The following CEP112 variants were observed in gnomAD, a reference collection of about 807,000 sequenced individuals.
CEP112 encodes the protein centrosomal protein of 112 kDa.
CEP112 carries 127 observed loss-of-function variants against 153.0 expected under a neutral mutation model. That is an observed-to-expected ratio of 0.83 (90% confidence interval 0.72 to 0.96). CEP112 has a LOEUF of 0.96. Among genes scored for constraint, CEP112 ranks in the 40% least tolerant of loss-of-function variants. CEP112 has a pLI of 0.00. For synonymous variants in CEP112, 358 were observed against 374.4 expected (o/e 0.96, Z 0.51); for missense variants, 1,089 against 1,101.2 (o/e 0.99, Z 0.16).
At chr17:65,775,615 GTC>G (rs1410656404) in intron 21 of CEP112, among the ~76,000 whole-genome samples, 2 of 151,994 alleles carry the variant, frequency 1.3e-5, no homozygotes, top group African/African-American at 4.8e-5. Flanking sequence ...CTATTCTCCT[GTC>G]TCAGCCTCCC....
chr17:65,800,087 T>G (rs2055174094), intron 21 of CEP112, among the ~76,000 whole-genome samples: 1 of 152,214 alleles, frequency 6.6e-6, no homozygotes, highest in African/African-American at 2.4e-5. Flanking sequence ...TATTACTAAC[T>G]GCCTTTTCTT....
At chr17:65,879,195 C>T (rs190781149) in intron 20 of CEP112, among the ~76,000 whole-genome samples, 41 of 152,236 alleles carry the variant, frequency 2.7e-4, no homozygotes, top group Admixed American at 2.5e-3. Flanking sequence ...CCAAGGTAAT[C>T]GTAATCATGA....
chr17:66,016,695 C>T (rs2064788903), intron 16 of CEP112, among the ~76,000 whole-genome samples: 2 of 152,182 alleles, frequency 1.3e-5, no homozygotes, highest in Non-Finnish European at 2.9e-5. Context: ...CAAATTGGCA[C>T]TGTGCCTCCA....
rs565716887 is a variant in CEP112 at position 65,667,983 on chromosome 17, GCCT to G, written c.2697+21143_2697+21145del. 3.5e-3 allele frequency among the ~76,000 whole-genome samples: 523 copies of G among 151,404 alleles called. 4 individuals are homozygous for G. The highest frequency in any genetic ancestry group is 0.01 in the Middle Eastern group (3 of 292). On this transcript the variant is annotated intron_variant, in intron 24 of 26. Transcript: ENST00000535342. Reference sequence around the variant, plus strand: ...GCAGTCTCCACTCACTGCAACCTCAGCCTCCCAGATTCAAGTGATTCTCCTGGT... The same window carrying G: ...GCAGTCTCCACTCACTGCAACCTCAGCCCAGATTCAAGTGATTCTCCTGGT...
chr17:66,038,501 A>G (rs1471068891), intron 12 of CEP112, among the ~76,000 whole-genome samples: 3 of 152,224 alleles, frequency 2.0e-5, no homozygotes, highest in Non-Finnish European at 2.9e-5. Context: ...TGCCAAATTA[A>G]TTTTTTAAAC....
At chr17:65,938,399 C>T (rs1364172797) in intron 18 of CEP112, among the ~76,000 whole-genome samples, 1 of 129,748 alleles carries the variant, frequency 7.7e-6, no homozygotes, top group African/African-American at 2.9e-5. Flanking sequence ...GGGAGAAACA[C>T]CCAAGAATGA....
At chr17:65,764,708 T>C (rs935030285) in intron 21 of CEP112, among the ~76,000 whole-genome samples, 6 of 152,218 alleles carry the variant, frequency 3.9e-5, no homozygotes, top group African/African-American at 1.2e-4. Flanking sequence ...GGATCTTGAT[T>C]TTTTATTCAT....
rs1240405919 is a variant in CEP112, at chr17:66,066,767, CACA to C, written c.955+8_955+10del. On this transcript the variant is annotated splice_region_variant and intron_variant, in intron 10 of 26. Coordinates refer to ENST00000535342, the MANE Select transcript of CEP112 (RefSeq NM_001199165.4). The stretch of plus-strand genomic sequence containing the variant: ...TGTTATTAAAAGATGTATGTAACAA[CACA>C]ACATCACCTTTCTTTTCAAGCTTTC... 2.7e-5 allele frequency: 39 copies of C among 1,468,852 alleles called. No homozygotes were observed. Among genetic ancestry groups the C allele is most frequent in the Non-Finnish European group, 3.4e-5 (37 of 1,098,882 alleles). 91.0% of individuals were successfully genotyped at this position (1,468,852 alleles called of 1,614,324 possible). A position where few individuals can be genotyped will look rare whatever the true frequency, so the allele number is the denominator to read the frequency against.
Position 66,013,009 on chromosome 17 carries a change from TCTA to T in CEP112, c.1657-7243_1657-7241del, listed in dbSNP as rs138779908. On this transcript the variant is annotated intron_variant, in intron 16 of 26. Coordinates refer to ENST00000535342, the MANE Select transcript of CEP112 (RefSeq NM_001199165.4). ...ATATTCTTTCCTCAGCCTGGTTGAT[TCTA>T]CTGTTAACACTTGTGATTGTATTCT... 6.6e-4 allele frequency among the ~76,000 whole-genome samples: 101 copies of T among 152,334 alleles called. 1 individual carries two copies. The highest frequency in any genetic ancestry group is 2.4e-3 in the African/African-American group (98 of 41,564).
intron 20 of CEP112, among the ~76,000 whole-genome samples, chr17:65,884,799 C>A (rs1290977668): frequency 6.8e-6 from 1 of 147,346 alleles, no homozygotes; most frequent in Non-Finnish European, 1.5e-5. Flanking sequence ...CTCACCACAA[C>A]CTCCGCCTCC....
chr17:66,167,623 C>T (rs1481295226), intron 4 of CEP112, among the ~76,000 whole-genome samples: 1 of 152,080 alleles, frequency 6.6e-6, no homozygotes, highest in Non-Finnish European at 1.5e-5. Flanking sequence ...GCTGACGCAG[C>T]ACAAGTGGAA....
intron 6 of CEP112, among the ~76,000 whole-genome samples, chr17:66,102,812 A>AG (rs1189104078): frequency 2.0e-5 from 3 of 151,500 alleles, no homozygotes; most frequent in Non-Finnish European, 4.4e-5. Flanking sequence ...AAAAAAAAAA[A>AG]GAATTAAAAA....
At chr17:65,952,863 A>G (rs1165716489) in intron 18 of CEP112, among the ~76,000 whole-genome samples, 1 of 152,138 alleles carries the variant, frequency 6.6e-6, no homozygotes, top group East Asian at 1.9e-4. Flanking sequence ...TCCTTGATGA[A>G]TGATGATGAT....
chr17:66,140,288 G>A (rs1265839336), intron 4 of CEP112, among the ~76,000 whole-genome samples: 1 of 152,092 alleles, frequency 6.6e-6, no homozygotes, highest in Admixed American at 6.6e-5. Context: ...ATAATAAAAT[G>A]CATATATGAC....
chr17:66,156,111 G>A (rs910096966), intron 4 of CEP112, among the ~76,000 whole-genome samples: 5 of 152,114 alleles, frequency 3.3e-5, no homozygotes, highest in Non-Finnish European at 7.3e-5. Flanking sequence ...AGCAGGGGTC[G>A]ACAGAAACCT....
chr17:65,936,165 A>G (rs753073499), intron 18 of CEP112, among the ~76,000 whole-genome samples: 7 of 152,184 alleles, frequency 4.6e-5, no homozygotes, highest in Non-Finnish European at 1.0e-4. Context: ...TCCTACACAT[A>G]TAGAACCTAC....
In CEP112 at chr17:65,739,735, C is replaced by CA. The variant is rs202185094; in HGVS notation, c.2607+3332dup. ...TGGGCAACAGAGCAAGACTCCATCT[C>CA]AAAAAAAAAAAATCTACTCTTACGA... On this transcript the variant is annotated intron_variant, in intron 23 of 26. Coordinates refer to ENST00000535342, the MANE Select transcript of CEP112 (RefSeq NM_001199165.4). Among the ~76,000 whole-genome samples, 1,097 of 142,298 alleles carry CA rather than the reference C, an allele frequency of 7.7e-3. 23 individuals carry two copies. In the East Asian group the frequency reaches 0.087, roughly 11 times the overall value. 93.4% of individuals were successfully genotyped at this position (142,298 alleles called of 152,430 possible).
chr17:65,668,884 C>A lies in CEP112; in HGVS notation c.2697+20245G>T, dbSNP rs375911948. Among the ~76,000 whole-genome samples the A allele has an allele frequency of 6.6e-5, 10 of 152,300 alleles. No individual in the cohort carries two copies. The East Asian group carries it at 1.9e-3, about 29-fold the overall frequency. On this transcript the variant is annotated intron_variant, in intron 24 of 26. Transcript: ENST00000535342. ...CTTTTCTTTGGTTCCATTGGCCTCT[C>A]CTTTCTCTCTCCATCACTCCACTTA...
At chr17:65,697,295 G>A (rs1312673862) in intron 23 of CEP112, among the ~76,000 whole-genome samples, 1 of 152,162 alleles carries the variant, frequency 6.6e-6, no homozygotes. Flanking sequence ...AAATAAGGGT[G>A]ACTCTCATTT....
Sources: allele counts gnomAD v4.1 joint callset (sites outside exome capture counted in the v4.1 genomes callset), GRCh38; gene constraint gnomAD v4.1.1; transcripts MANE v1.5; gene names NCBI Gene and HGNC (gene_info 2026-07-23, HGNC 2026-07-21).